KIAA0232: variants seen among roughly 807,000 people sequenced by gnomAD.
KIAA0232 encodes the protein KIAA0232, also known as uncharacterized protein KIAA0232.
Under a neutral mutation model 122.0 loss-of-function variants are expected in KIAA0232, and 27 were observed. That is an observed-to-expected ratio of 0.22 (90% CI 0.16 to 0.31). The LOEUF is 0.31. KIAA0232 is among the 10% of genes least tolerant of loss of function. The pLI is 1.00. For missense variants in KIAA0232, 1,551 were observed against 1,634.2 expected (o/e 0.95, Z 0.88); for synonymous variants, 613 against 587.6 (o/e 1.04, Z -0.63).
Position 6,840,857 on chromosome 4 carries a change from G to C in KIAA0232, c.232-1210G>C, listed in dbSNP as rs1445138554. On this transcript the variant is annotated intron_variant, in intron 3 of 9. Coordinates refer to ENST00000307659, the MANE Select transcript of KIAA0232 (RefSeq NM_014743.3). ...AATAGTACAGGATAGGAGACTAAAAGGATAACAATAAGTGAGATAGAAATA... is the reference window on the plus strand; with the variant it reads ...AATAGTACAGGATAGGAGACTAAAACGATAACAATAAGTGAGATAGAAATA... Among the ~76,000 whole-genome samples the C allele has an allele frequency of 2.6e-5, 4 of 151,778 alleles. No individual in the cohort carries two copies. In the East Asian group the frequency reaches 5.8e-4, roughly 22 times the overall value.
At chr4:6,787,595 C>T (rs1297384827) in intron 1 of KIAA0232, among the ~76,000 whole-genome samples, 7 of 152,178 alleles carry the variant, frequency 4.6e-5, no homozygotes, top group African/African-American at 1.4e-4. Context: ...CAGATTTTTA[C>T]CAGGTTTGCC....
intron 4 of KIAA0232, among the ~76,000 whole-genome samples, chr4:6,850,061 T>G (rs866314274): frequency 7.9e-5 from 12 of 152,232 alleles, no homozygotes; most frequent in South Asian, 6.2e-4. Context: ...GGAAGTTTTC[T>G]GATCTTTCAA....
At chr4:6,805,886 A>G (rs1717593005) in intron 2 of KIAA0232, among the ~76,000 whole-genome samples, 1 of 152,104 alleles carries the variant, frequency 6.6e-6, no homozygotes, top group Admixed American at 6.5e-5. Context: ...GAAATTTTTA[A>G]ATTTCTAAAA....
At chr4:6,842,666 A>G (rs1357759609) in intron 4 of KIAA0232, among the ~76,000 whole-genome samples, 1 of 151,304 alleles carries the variant, frequency 6.6e-6, no homozygotes, top group Non-Finnish European at 1.5e-5. Context: ...ACTTACTGCA[A>G]CCTCTGCCTC....
At position 6,877,206 on chromosome 4, in the gene KIAA0232, C is replaced by G. The variant is rs1472252304; in HGVS notation, c.4008+449C>G. Among the ~76,000 whole-genome samples the G allele has an allele frequency of 7.9e-5, 12 of 152,272 alleles. No individual in the cohort carries two copies. In the East Asian group the frequency reaches 2.1e-3, roughly 27 times the overall value. On this transcript the variant is annotated intron_variant, in intron 9 of 9. Coordinates refer to ENST00000307659, the MANE Select transcript of KIAA0232 (RefSeq NM_014743.3). ...GCTGTCCCGGCTTCTGCAGAACGAT[C>G]CCGCCCTTTCCGTGTCCTCCTGCAC...
chr4:6,870,626 A>C (rs1721426573), intron 7 of KIAA0232, among the ~76,000 whole-genome samples: 1 of 152,042 alleles, frequency 6.6e-6, no homozygotes, highest in Admixed American at 6.6e-5. Context: ...AACGTGGCAA[A>C]ACCCTGTCTC....
At chr4:6,844,014 A>T (rs1275959171) in intron 4 of KIAA0232, among the ~76,000 whole-genome samples, 1 of 124,652 alleles carries the variant, frequency 8.0e-6, no homozygotes. Context: ...ATCTCGGCTC[A>T]CTGCAAGCTC....
Position 6,862,864 on chromosome 4 carries a change from A to T in KIAA0232, c.2482A>T (p.Ile828Phe). The change falls in exon 7 of 10, where the codon ATT becomes TTT. Residue 828 changes from isoleucine to phenylalanine, a missense_variant. Coordinates refer to ENST00000307659, the MANE Select transcript of KIAA0232 (RefSeq NM_014743.3). Reference sequence around the variant, plus strand: ...CTACAGCTCAGGGGTTATTAAAGACATTTGGACAAAGATGGCAGACACAAA... The same window carrying T: ...CTACAGCTCAGGGGTTATTAAAGACTTTTGGACAAAGATGGCAGACACAAA... ...DGYSSGVIKD[I>F]WTKMADTNSV... The T allele has an allele frequency of 5.0e-6, 8 of 1,614,246 alleles. No homozygotes were observed. Among genetic ancestry groups the T allele is most frequent in the Non-Finnish European group, 6.8e-6 (8 of 1,180,032 alleles).
intron 2 of KIAA0232, among the ~76,000 whole-genome samples, chr4:6,806,792 G>A (rs1032023284): frequency 6.1e-5 from 9 of 146,484 alleles, no homozygotes; most frequent in Non-Finnish European, 1.4e-4. Flanking sequence ...CATACAGGCT[G>A]ATCGAAACTT....
intron 4 of KIAA0232, among the ~76,000 whole-genome samples, chr4:6,843,927 C>CTTTTTTTTTTTTTTTT (rs373793407): frequency 8.6e-5 from 4 of 46,316 alleles, no homozygotes; most frequent in African/African-American, 2.0e-4. Flanking sequence ...AGTTACCCAT[C>CTTTTTTTTTTTTTTTT]TTTTTTTTTT....
chr4:6,807,062 CTATCTATCTATCTATCTATT>C (rs1717655469), intron 2 of KIAA0232, among the ~76,000 whole-genome samples: 1 of 151,532 alleles, frequency 6.6e-6, no homozygotes, highest in South Asian at 2.1e-4. Context: ...ATCTATCTAT[CTATCTATCTATCTATCTATT>C]TAAGACAGGG....
At chr4:6,783,706 C>G (rs1205239346) in intron 1 of KIAA0232, among the ~76,000 whole-genome samples, 2 of 150,608 alleles carry the variant, frequency 1.3e-5, no homozygotes. Context: ...GGGGGGCGGG[C>G]CTGGCGGGCG....
At chr4:6,797,442 G>T (rs1717179079) in intron 1 of KIAA0232, among the ~76,000 whole-genome samples, 1 of 152,194 alleles carries the variant, frequency 6.6e-6, no homozygotes, top group African/African-American at 2.4e-5. Context: ...TATGCTAAAT[G>T]CAGGGAAAAA....
intron 1 of KIAA0232, among the ~76,000 whole-genome samples, chr4:6,802,936 T>TCA (rs1231893987): frequency 6.9e-6 from 1 of 145,210 alleles, no homozygotes; most frequent in Admixed American, 7.2e-5. Context: ...GATGGAAGGA[T>TCA]CACTTGAGGT....
chr4:6,822,294 A>G (rs1490476043), intron 2 of KIAA0232, among the ~76,000 whole-genome samples: 2 of 152,214 alleles, frequency 1.3e-5, no homozygotes, highest in Non-Finnish European at 2.9e-5. Flanking sequence ...AAAAGTAGCA[A>G]AACATGTATT....
At position 6,782,819 on chromosome 4, in the gene KIAA0232, G is replaced by T. The variant is rs1226355415; in HGVS notation, c.-376G>T. The T allele has an allele frequency of 6.7e-6, 1 of 148,290 alleles. No individual in the cohort carries two copies. Among genetic ancestry groups the T allele is most frequent in the Non-Finnish European group, 1.5e-5 (1 of 66,538 alleles). The allele number at this position is 148,290 out of a possible 1,614,324, so 9.2% of individuals were successfully genotyped here. ...AGGAGAGGCGCCCCCGCCGGCCGCC[G>T]CGCCGCCCGGCAGCCTCGGCAGGTA... On this transcript the variant is annotated 5_prime_UTR_variant, in exon 1 of 10. Transcript: ENST00000307659.
intron 2 of KIAA0232, among the ~76,000 whole-genome samples, chr4:6,806,590 C>A (rs1032325907): frequency 1.3e-5 from 2 of 151,424 alleles, no homozygotes; most frequent in Non-Finnish European, 2.9e-5. Flanking sequence ...AAAAATTAGC[C>A]GGGTGTGGTG....
At chr4:6,865,927 G>A (rs1304252551) in intron 7 of KIAA0232, among the ~76,000 whole-genome samples, 1 of 152,054 alleles carries the variant, frequency 6.6e-6, no homozygotes, top group African/African-American at 2.4e-5. Flanking sequence ...AGCTCCTTGT[G>A]GCTGTGGACC....
intron 3 of KIAA0232, among the ~76,000 whole-genome samples, chr4:6,829,365 A>G (rs906829572): frequency 2.6e-5 from 4 of 152,136 alleles, no homozygotes; most frequent in African/African-American, 9.7e-5. Flanking sequence ...AGACTTTGAT[A>G]CTTTTACCAT....
Sources: gnomAD v4.1 joint callset for allele counts (sites outside exome capture counted in the v4.1 genomes callset) on GRCh38, gnomAD v4.1.1 for gene constraint, MANE v1.5 for transcripts, NCBI Gene and HGNC (gene_info 2026-07-23, HGNC 2026-07-21) for gene names.